Variants in CD84 observed in about 807,000 individuals in gnomAD.
CD84 encodes the protein SLAM family member 5.
Under a neutral mutation model 33.8 loss-of-function variants are expected in CD84, and 22 were observed. The observed-to-expected ratio is 0.65, with a 90% CI of 0.46 to 0.93. The LOEUF (loss-of-function observed/expected upper bound fraction) is 0.93, where lower values mean the gene tolerates loss of function less well. Ranked by LOEUF, CD84 falls within the 40% of genes least tolerant of loss-of-function variation. The pLI is 0.00. For synonymous variants in CD84, 154 were observed against 145.2 expected (o/e 1.06, Z -0.44); for missense variants, 400 against 397.6 (o/e 1.01, Z -0.05).
chr1:160,572,643 G>GTGTTTGCTA (rs983643554), intron 1 of CD84, among the ~76,000 whole-genome samples: 1 of 152,194 alleles, frequency 6.6e-6, no homozygotes, highest in Non-Finnish European at 1.5e-5. Context: ...AGGGGATCAA[G>GTGTTTGCTA]TGTTTGCTAA....
Position 160,552,832 on chromosome 1 carries a change from A to G in CD84, c.760+546T>C, listed in dbSNP as rs1201867855. The G allele has an allele frequency of 2.8e-5, 25 of 896,978 alleles. No individual in the cohort carries two copies. In the East Asian group the frequency reaches 5.9e-4, roughly 21 times the overall value. 55.6% of individuals were successfully genotyped at this position (896,978 alleles called of 1,614,324 possible). A position where few individuals can be genotyped will look rare whatever the true frequency, so the allele number is the denominator to read the frequency against. On this transcript the variant is annotated intron_variant, in intron 4 of 6. Transcript: ENST00000368054. ...GTGGGAAAAGGAAGTTCTTGGGTGG[A>G]CATGGGATGTGGGTGAATCGGAGGG...
At chr1:160,569,795 T>C (rs1571382042) in intron 1 of CD84, among the ~76,000 whole-genome samples, 1 of 152,088 alleles carries the variant, frequency 6.6e-6, no homozygotes, top group East Asian at 1.9e-4. Flanking sequence ...AACAAAAGTT[T>C]AGAAGCAGAA....
intron 1 of CD84, among the ~76,000 whole-genome samples, chr1:160,570,498 T>C (rs766196146): frequency 6.6e-6 from 1 of 152,150 alleles, no homozygotes; most frequent in Non-Finnish European, 1.5e-5. Flanking sequence ...CTAGCTAACG[T>C]TGGTCATATG....
rs542159761 is a variant in CD84, at chr1:160,571,947, G to A, written c.47-6202C>T. ...AACAAAAGATGGAAAGGAAAGGGCA[G>A]GCAGTGGAAGCTGTAGATTTAAGGA... On this transcript the variant is annotated intron_variant, in intron 1 of 6. Coordinates refer to ENST00000368054, the MANE Select transcript of CD84 (RefSeq NM_003874.4). Among the ~76,000 whole-genome samples the A allele has an allele frequency of 8.0e-4, 122 of 152,308 alleles. 2 individuals carry two copies. Among genetic ancestry groups the A allele is most frequent in the Non-Finnish European group, 1.3e-4 (9 of 68,024 alleles).
chr1:160,579,400 A>C lies in CD84; in HGVS notation c.38T>G (p.Leu13Arg), dbSNP rs1463107273. The change falls in exon 1 of 7, where the codon CTG becomes CGG. Residue 13 changes from leucine to arginine, a missense_variant. Leu to Arg is a moderately radical substitution (Grantham distance 102). Transcript: ENST00000368054. ...QHHLWILLLC[L>R]QTWPEAAGKD... ...CAAGGGTCAGAACTCACAGGTTTGC[A>C]GGCAAAGGAGCAAGATCCATAGGTG... is the stretch of plus-strand genomic sequence containing the variant. The C allele has an allele frequency of 1.9e-6, 3 of 1,613,268 alleles. No homozygotes were observed. Among genetic ancestry groups the C allele is most frequent in the Non-Finnish European group, 2.5e-6 (3 of 1,179,414 alleles).
At chr1:160,555,457 C>T (rs1484272787) in intron 2 of CD84, among the ~76,000 whole-genome samples, 2 of 151,822 alleles carry the variant, frequency 1.3e-5, no homozygotes, top group African/African-American at 4.8e-5. Flanking sequence ...AAAAACTATC[C>T]ATGGTGGAAA....
At chr1:160,567,342 G>A (rs1031916363) in intron 1 of CD84, among the ~76,000 whole-genome samples, 8 of 152,190 alleles carry the variant, frequency 5.3e-5, no homozygotes, top group Non-Finnish European at 8.8e-5. Flanking sequence ...CACTGAAAGA[G>A]CCCCAGGAAC....
chr1:160,575,095 C>G (rs895920006), intron 1 of CD84, among the ~76,000 whole-genome samples: 2 of 152,134 alleles, frequency 1.3e-5, no homozygotes, highest in Non-Finnish European at 2.9e-5. Context: ...TTAGGATCCT[C>G]CAGACAAACA....
chr1:160,552,675 A>G, intron 4 of CD84: 1 of 1,509,344 alleles, frequency 6.6e-7, no homozygotes. Flanking sequence ...CCCAATTGTT[A>G]TTCAAGGAAC....
intron 1 of CD84, among the ~76,000 whole-genome samples, chr1:160,574,699 G>A (rs1261187411): frequency 6.6e-6 from 1 of 152,052 alleles, no homozygotes; most frequent in Non-Finnish European, 1.5e-5. Flanking sequence ...GCTCTGTCAG[G>A]GACTGGCCAT....
chr1:160,567,886 A>G (rs1657426050), intron 1 of CD84, among the ~76,000 whole-genome samples: 1 of 152,144 alleles, frequency 6.6e-6, no homozygotes, highest in Admixed American at 6.5e-5. Flanking sequence ...CATGTGATCT[A>G]TGCAGTTGCA....
intron 6 of CD84, 115 bp from the exon 7 acceptor site, chr1:160,548,436 G>A (rs1378511117): frequency 9.5e-7 from 1 of 1,053,128 alleles, no homozygotes; most frequent in East Asian, 2.5e-5. Context: ...CCTTAGATTT[G>A]CCTCATGCTG....
At chr1:160,564,671 G>A (rs139240463) in intron 2 of CD84, among the ~76,000 whole-genome samples, 6 of 152,236 alleles carry the variant, frequency 3.9e-5, no homozygotes, top group African/African-American at 1.4e-4. Context: ...AAAAAGATAC[G>A]TCCTTCATTA....
At chr1:160,553,676 G>T in intron 3 of CD84, 179 bp from the exon 4 acceptor site, 2 of 951,194 alleles carry the variant, frequency 2.1e-6, no homozygotes, top group African/African-American at 1.7e-5. Context: ...GAATCAGAGA[G>T]TTGATCAGGG....
At chr1:160,563,001 A>G (rs1027152312) in intron 2 of CD84, among the ~76,000 whole-genome samples, 1 of 152,224 alleles carries the variant, frequency 6.6e-6, no homozygotes, top group Non-Finnish European at 1.5e-5. Context: ...GCTAAACATC[A>G]CTGATCATTA....
chr1:160,552,301 C>G (rs1656285155), intron 4 of CD84, among the ~76,000 whole-genome samples: 1 of 152,186 alleles, frequency 6.6e-6, no homozygotes, highest in African/African-American at 2.4e-5. Context: ...CAGGCTATGC[C>G]TTCTCCCCAT....
At chr1:160,569,558 GCA>G (rs940214629) in intron 1 of CD84, among the ~76,000 whole-genome samples, 3 of 147,670 alleles carry the variant, frequency 2.0e-5, no homozygotes, top group African/African-American at 7.7e-5. Flanking sequence ...ACGCACGCAC[GCA>G]CACACACAAT....
At chr1:160,552,752 C>A in intron 4 of CD84, 1 of 1,540,996 alleles carries the variant, frequency 6.5e-7, no homozygotes, top group Non-Finnish European at 8.8e-7. Flanking sequence ...GGAATCAGAC[C>A]CAAAGGAGAG....
intron 2 of CD84, among the ~76,000 whole-genome samples, chr1:160,558,402 A>T (rs1656747930): frequency 6.6e-6 from 1 of 152,220 alleles, no homozygotes; most frequent in Non-Finnish European, 1.5e-5. Flanking sequence ...ACAGAAGAGT[A>T]GCCTGACTAT....
Sources: gnomAD v4.1 joint callset for allele counts (sites outside exome capture counted in the v4.1 genomes callset) on GRCh38, gnomAD v4.1.1 for gene constraint, MANE v1.5 for transcripts, NCBI Gene and HGNC (gene_info 2026-07-23, HGNC 2026-07-21) for gene names.